VRK2: variants seen among roughly 807,000 people sequenced by gnomAD.
VRK2 encodes the protein VRK serine/threonine kinase 2.
In VRK2, 60 loss-of-function variants were observed where a neutral mutation model predicts 57.6. The ratio of observed to expected loss-of-function variants is 1.04; its 90% CI spans 0.85 to 1.29. VRK2 has a LOEUF of 1.29. Among genes scored for constraint, VRK2 ranks in the 50% most tolerant of loss-of-function variants. VRK2 has a pLI of 0.00. For synonymous variants in VRK2, 231 were observed against 199.2 expected (o/e 1.16, Z -1.35); for missense variants, 705 against 588.1 (o/e 1.20, Z -2.06).
At chr2:58,006,240 C>G (rs998922805) in intron 1 of VRK2, among the ~76,000 whole-genome samples, 48 of 152,290 alleles carry the variant, frequency 3.2e-4, no homozygotes, top group African/African-American at 1.1e-3. Flanking sequence ...GGCATAGAGT[C>G]ACTGAGCAGA....
intron 5 of VRK2, 53 bp downstream of exon 5, chr2:58,086,479 G>T: frequency 6.9e-7 from 1 of 1,445,210 alleles, no homozygotes; most frequent in Non-Finnish European, 9.4e-7. Flanking sequence ...TCCTTATGTG[G>T]TCTATGAGTT....
intron 9 of VRK2, among the ~76,000 whole-genome samples, chr2:58,134,182 G>A (rs72953110): frequency 0.021 from 3,211 of 152,110 alleles, 127 homozygotes; most frequent in African/African-American, 0.074. Context: ...TCCCCAAAGC[G>A]GGTTATAGAA....
At chr2:58,144,969 G>A (rs1681895429) in intron 11 of VRK2, among the ~76,000 whole-genome samples, 1 of 151,946 alleles carries the variant, frequency 6.6e-6, no homozygotes, top group Non-Finnish European at 1.5e-5. Flanking sequence ...TTAAGGCTCT[G>A]CTTGCCCAGC....
At chr2:57,908,874 A>C (rs1164148769) in intron 1 of VRK2, among the ~76,000 whole-genome samples, 1 of 152,186 alleles carries the variant, frequency 6.6e-6, no homozygotes, top group African/African-American at 2.4e-5. Flanking sequence ...AGTGAAACTT[A>C]ACTTGGGGTG....
intron 1 of VRK2, among the ~76,000 whole-genome samples, chr2:57,973,274 C>T (rs1339661353): frequency 6.6e-6 from 1 of 151,720 alleles, no homozygotes; most frequent in South Asian, 2.1e-4. Flanking sequence ...TAAATTTGAA[C>T]ATATTTTCCT....
chr2:58,123,859 A>G lies in VRK2; in HGVS notation c.676+626A>G, dbSNP rs531639941. On this transcript the variant is annotated intron_variant, in intron 8 of 12. Coordinates refer to ENST00000340157, the MANE Select transcript of VRK2 (RefSeq NM_006296.7). The stretch of plus-strand genomic sequence containing the variant: ...GACAGAGCAAGACCCCTCAGAAAAA[A>G]AAAAAAAAGTTGCACATACGAACAA... 1.3e-5 allele frequency among the ~76,000 whole-genome samples: 2 copies of G among 152,220 alleles called. 1 individual carries two copies. Among genetic ancestry groups the G allele is most frequent in the South Asian group, 4.1e-4 (2 of 4,822 alleles).
intron 2 of VRK2, among the ~76,000 whole-genome samples, chr2:58,069,289 G>C (rs948747787): frequency 6.6e-6 from 1 of 152,164 alleles, no homozygotes; most frequent in African/African-American, 2.4e-5. Flanking sequence ...GTTCCATTCA[G>C]TGACCAGCCT....
intron 2 of VRK2, among the ~76,000 whole-genome samples, chr2:58,032,621 C>T (rs1674151600): frequency 6.6e-6 from 1 of 152,086 alleles, no homozygotes; most frequent in South Asian, 2.1e-4. Flanking sequence ...AATGTGCTGG[C>T]AATGCAAAAT....
At chr2:58,097,384 A>C (rs964639096) in intron 7 of VRK2, among the ~76,000 whole-genome samples, 2 of 151,106 alleles carry the variant, frequency 1.3e-5, no homozygotes, top group Admixed American at 1.3e-4. Context: ...ATCTTGTTTT[A>C]TGTGTTTTTT....
At position 58,081,505 on chromosome 2, in the gene VRK2, T is replaced by G. The variant is rs186941385; in HGVS notation, c.137-2584T>G. Among the ~76,000 whole-genome samples the G allele has an allele frequency of 2.5e-3, 373 of 152,110 alleles. 3 individuals carry two copies. Among genetic ancestry groups the G allele is most frequent in the Non-Finnish European group, 3.8e-4 (26 of 67,880 alleles). The stretch of plus-strand genomic sequence containing the variant: ...TTTTTTCTTGCCATCTATTAAATTG[T>G]TTAGATGTTCTTTGTTATCTTCTTT... On this transcript the variant is annotated intron_variant, in intron 2 of 12. Coordinates refer to ENST00000340157, the MANE Select transcript of VRK2 (RefSeq NM_006296.7).
intron 2 of VRK2, among the ~76,000 whole-genome samples, chr2:58,065,465 T>G (rs1001783399): frequency 5.9e-5 from 9 of 152,176 alleles, no homozygotes. Context: ...CAGCAGTTTT[T>G]TATTGTCAAG....
Position 58,159,579 on chromosome 2 carries a change from G to C in VRK2, c.1413G>C (p.Trp471Cys), listed in dbSNP as rs1337418647. Residue 471 changes from tryptophan (W) to cysteine (C), a missense_variant, in exon 13 of 13, where the codon TGG becomes TGC. Physicochemically the swap from Trp to Cys is radical, Grantham distance 215. Coordinates refer to ENST00000340157, the MANE Select transcript of VRK2 (RefSeq NM_006296.7). ...ITDLESSTGL[W>C]PTISQFTLSE... The stretch of plus-strand genomic sequence containing the variant: ...ACTTAGAAAGTTCAACTGGACTTTG[G>C]CCTACAATTTCCCAGTTTACTCTTA... 1.2e-6 allele frequency: 2 copies of C among 1,613,626 alleles called. No homozygotes were observed. Among genetic ancestry groups the C allele is most frequent in the African/African-American group, 2.7e-5 (2 of 74,882 alleles).
At chr2:58,130,274 C>G (rs1395055967) in intron 8 of VRK2, among the ~76,000 whole-genome samples, 1 of 152,066 alleles carries the variant, frequency 6.6e-6, no homozygotes, top group African/African-American at 2.4e-5. Context: ...TGATGGTAAT[C>G]AGGAATTGCC....
intron 2 of VRK2, among the ~76,000 whole-genome samples, chr2:58,028,135 T>A (rs1261602096): frequency 6.6e-6 from 1 of 152,182 alleles, no homozygotes; most frequent in Non-Finnish European, 1.5e-5. Context: ...ACTCGCCAGC[T>A]ATTTTTAGGA....
intron 1 of VRK2, among the ~76,000 whole-genome samples, chr2:58,025,092 C>T (rs1446333704): frequency 1.3e-5 from 2 of 152,242 alleles, no homozygotes; most frequent in Middle Eastern, 3.4e-3. Flanking sequence ...GCACTGAACA[C>T]CATATGCAGT....
chr2:57,960,901 C>T (rs183559354), intron 1 of VRK2, among the ~76,000 whole-genome samples: 84 of 152,292 alleles, frequency 5.5e-4, no homozygotes, highest in African/African-American at 1.9e-3. Flanking sequence ...GTCTCTCTTC[C>T]GAGAGGAGCA....
At chr2:58,157,719 A>G (rs2104734451) in intron 12 of VRK2, among the ~76,000 whole-genome samples, 1 of 152,344 alleles carries the variant, frequency 6.6e-6, no homozygotes, top group African/African-American at 2.4e-5. Flanking sequence ...TAATACTCGA[A>G]GAATAATGCC....
In VRK2 at chr2:58,048,563, C is replaced by T. The variant is rs528569689; in HGVS notation, c.-5-264C>T. 29 of 1,399,238 alleles carry T rather than the reference C, an allele frequency of 2.1e-5. 1 individual carries two copies. Among genetic ancestry groups the T allele is most frequent in the African/African-American group, 1.7e-4 (12 of 69,730 alleles). The allele number at this position is 1,399,238 out of a possible 1,614,324, so 86.7% of individuals were successfully genotyped here. The stretch of plus-strand genomic sequence containing the variant: ...ACTGTTAATATGTGCTATAGAACCC[C>T]GAAATGAATTTTGGATGAAATTTGG... On this transcript the variant is annotated intron_variant, in intron 1 of 12. Transcript: ENST00000340157.
chr2:58,118,850 T>C (rs923529033), intron 7 of VRK2, among the ~76,000 whole-genome samples: 1 of 151,522 alleles, frequency 6.6e-6, no homozygotes, highest in Non-Finnish European at 1.5e-5. Context: ...GGGAAGGTAA[T>C]GGAAAATTAC....
Sources: gnomAD v4.1 joint callset for allele counts (sites outside exome capture counted in the v4.1 genomes callset) on GRCh38, gnomAD v4.1.1 for gene constraint, MANE v1.5 for transcripts, NCBI Gene and HGNC (gene_info 2026-07-23, HGNC 2026-07-21) for gene names.